The following PPFIA4 variants were observed in gnomAD, a reference collection of about 807,000 sequenced individuals.
PPFIA4 encodes PPFI scaffold protein A4, also known as liprin-alpha-4.
In PPFIA4, 98 loss-of-function variants were observed where a neutral mutation model predicts 145.7. The observed-to-expected ratio is 0.67, with a 90% CI of 0.57 to 0.80. The LOEUF (loss-of-function observed/expected upper bound fraction) is 0.80, where lower values mean the gene tolerates loss of function less well. PPFIA4 is among the 30% of genes least tolerant of loss of function. PPFIA4 has a pLI of 0.00. For missense variants in PPFIA4, 1,457 were observed against 1,632.7 expected, an observed-to-expected ratio of 0.89 and a Z score of 1.85; for synonymous variants, 628 against 649.6, an observed-to-expected ratio of 0.97 and a Z score of 0.51.
At chr1:203,070,576 T>G (rs1276536683) in intron 27 of PPFIA4, among the ~76,000 whole-genome samples, 1 of 134,890 alleles carries the variant, frequency 7.4e-6, no homozygotes, top group African/African-American at 2.8e-5. Flanking sequence ...AATGAGACCC[T>G]GTCTCCCTCA....
At chr1:203,073,966 G>A (rs952644698) in intron 28 of PPFIA4, among the ~76,000 whole-genome samples, 6 of 152,144 alleles carry the variant, frequency 3.9e-5, no homozygotes, top group African/African-American at 1.4e-4. Context: ...TTTATTGAGT[G>A]CCTAATGTGA....
chr1:203,044,065 G>A lies in PPFIA4; in HGVS notation c.471G>A (p.Leu157=). Residue 157 remains leucine, a synonymous_variant, in exon 4 of 30, where the codon CTG becomes CTA. Coordinates refer to ENST00000295706, the MANE Select transcript of PPFIA4 (RefSeq NM_001304331.2). ...EVEVLKALKS[L]FEHHKALDEK... ...AGGTGCTGAAGGCCCTCAAGTCACT[G>A]TTTGAGCACCACAAGGCCCTGGATG... 1 of 1,608,232 alleles carries A rather than the reference G, an allele frequency of 6.2e-7. No homozygotes were observed. Among genetic ancestry groups the A allele is most frequent in the Non-Finnish European group, 8.5e-7 (1 of 1,177,788 alleles).
At chr1:203,054,251 A>G in intron 15 of PPFIA4, 1 of 621,046 alleles carries the variant, frequency 1.6e-6, no homozygotes, top group Admixed American at 2.6e-5. Flanking sequence ...AACCACTAAG[A>G]GTGTAGCTCC....
intron 2 of PPFIA4, among the ~76,000 whole-genome samples, chr1:203,039,763 C>A (rs1441246122): frequency 6.6e-6 from 1 of 152,248 alleles, no homozygotes; most frequent in Non-Finnish European, 1.5e-5. Context: ...GTCCTGTAGT[C>A]CCGTGTACTG....
intron 28 of PPFIA4, among the ~76,000 whole-genome samples, chr1:203,074,718 G>A (rs1041717804): frequency 2.6e-5 from 4 of 152,068 alleles, no homozygotes; most frequent in Non-Finnish European, 5.9e-5. Flanking sequence ...ATTGGGCATG[G>A]CTTCCAAGCA....
rs577702584 is a variant in PPFIA4 at position 203,039,251 on chromosome 1, C to G, written c.234+9C>G. 67 of 1,554,042 alleles carry G rather than the reference C, an allele frequency of 4.3e-5. No individual in the cohort carries two copies. Among genetic ancestry groups the G allele is most frequent in the Non-Finnish European group, 4.5e-5 (52 of 1,151,148 alleles). On this transcript the variant is annotated intron_variant, in intron 2 of 29. Transcript: ENST00000295706. Reference sequence around the variant, plus strand: ...ACTCCGCCCTCCCCCAGGTAAGGCCCGAAGGCCTGCGTCTCTCTTAACCCC... The same window carrying G: ...ACTCCGCCCTCCCCCAGGTAAGGCCGGAAGGCCTGCGTCTCTCTTAACCCC...
At position 203,075,542 on chromosome 1, in the gene PPFIA4, G is replaced by A. The variant is rs758079623; in HGVS notation, c.3394-35G>A. 4 of 1,364,916 alleles carry A rather than the reference G, an allele frequency of 2.9e-6. No homozygotes were observed. The highest frequency in any genetic ancestry group is 3.8e-6 in the Non-Finnish European group (4 of 1,052,440). The allele number at this position is 1,364,916 out of a possible 1,614,324, so 84.6% of individuals were successfully genotyped here. A position where few individuals can be genotyped will look rare whatever the true frequency, so the allele number is the denominator to read the frequency against. ...GGGCGTGAGGATGGCAATTCCAACA[G>A]GGCCCTCGGGCCTCTGGTGTCCCCC... On this transcript the variant is annotated intron_variant, in intron 28 of 29. Transcript: ENST00000295706. The surrounding 1 kb of genome is among the most constrained non-coding windows in gnomAD (Gnocchi z 4.1).
At position 203,027,544 on chromosome 1, in the gene PPFIA4, G is replaced by A. The variant is rs539443102; in HGVS notation, c.-400+915G>A. Among the ~76,000 whole-genome samples the A allele has an allele frequency of 2.0e-3, 301 of 152,278 alleles. 2 individuals are homozygous for A. The highest frequency in any genetic ancestry group is 6.8e-3 in the African/African-American group (283 of 41,544). Reference sequence around the variant, plus strand: ...TTCTGTGTGGAGAGCAAGTGGTTAAGGAGGCGCTGCTTCGCAGGGAGATCC... The same window carrying A: ...TTCTGTGTGGAGAGCAAGTGGTTAAAGAGGCGCTGCTTCGCAGGGAGATCC... On this transcript the variant is annotated intron_variant, in intron 1 of 29. Transcript: ENST00000295706.
At chr1:203,052,022 C>A in intron 14 of PPFIA4, 145 bp downstream of exon 14, 1 of 862,820 alleles carries the variant, frequency 1.2e-6, no homozygotes, top group Non-Finnish European at 1.7e-6. Context: ...GGGGTTGAGG[C>A]CATCGTCAGC....
In PPFIA4 at chr1:203,045,992, C is replaced by G; in HGVS notation, c.1005+5C>G. On this transcript the variant is annotated splice_donor_5th_base_variant and intron_variant, in intron 8 of 29. Coordinates refer to ENST00000295706, the MANE Select transcript of PPFIA4 (RefSeq NM_001304331.2). ...AAGGAGTCCCTGCACCGCCAGGTACCTCCTCAGGGTGGGGTGGGGATGGGC... is the reference window on the plus strand; with the variant it reads ...AAGGAGTCCCTGCACCGCCAGGTACGTCCTCAGGGTGGGGTGGGGATGGGC... 1 of 1,612,478 alleles carries G rather than the reference C, an allele frequency of 6.2e-7. No individual in the cohort carries two copies. Among genetic ancestry groups the G allele is most frequent in the Non-Finnish European group, 8.5e-7 (1 of 1,179,824 alleles).
In PPFIA4 at chr1:203,075,632, G is replaced by A. The variant is rs200628828; in HGVS notation, c.3449G>A (p.Arg1150Gln). The change falls in exon 29 of 30, where the codon CGG becomes CAG. Residue 1150 changes from arginine (R) to glutamine (Q), a missense_variant. Arg to Gln is a conservative substitution (Grantham distance 43). Coordinates refer to ENST00000295706, the MANE Select transcript of PPFIA4 (RefSeq NM_001304331.2). The surrounding 1 kb of genome is among the most constrained non-coding windows in gnomAD (Gnocchi z 4.1). ...APSWRKRFRP[R>Q]EHHGRGGMLS... ...TCCTGGAGGAAGCGCTTCCGGCCGCGGGAGCACCACGGTCGCGGCGGCATG... is the reference window on the plus strand; with the variant it reads ...TCCTGGAGGAAGCGCTTCCGGCCGCAGGAGCACCACGGTCGCGGCGGCATG... The A allele has an allele frequency of 5.2e-5, 77 of 1,488,736 alleles. No individual in the cohort carries two copies. The African/African-American group carries it at 9.6e-4, about 19-fold the overall frequency. The allele number at this position is 1,488,736 out of a possible 1,614,324, so 92.2% of individuals were successfully genotyped here. A position where few individuals can be genotyped will look rare whatever the true frequency, so the allele number is the denominator to read the frequency against.
intron 15 of PPFIA4, among the ~76,000 whole-genome samples, chr1:203,054,570 C>T (rs1660770235): frequency 6.6e-6 from 1 of 152,054 alleles, no homozygotes. Flanking sequence ...TAATGACAAA[C>T]AGCAGGGCAA....
chr1:203,052,619 C>A (rs1463736262), intron 14 of PPFIA4, among the ~76,000 whole-genome samples: 2 of 152,092 alleles, frequency 1.3e-5, no homozygotes, highest in East Asian at 3.9e-4. Context: ...GACTTCTTTG[C>A]TCTTTCTGTT....
chr1:203,075,547 C>T lies in PPFIA4; in HGVS notation c.3394-30C>T, dbSNP rs980873892. 1 of 1,370,762 alleles carries T rather than the reference C, an allele frequency of 7.3e-7. No individual in the cohort carries two copies. 84.9% of individuals were successfully genotyped at this position (1,370,762 alleles called of 1,614,324 possible). On this transcript the variant is annotated intron_variant, in intron 28 of 29. Coordinates refer to ENST00000295706, the MANE Select transcript of PPFIA4 (RefSeq NM_001304331.2). The surrounding 1 kb of genome is among the most constrained non-coding windows in gnomAD (Gnocchi z 4.1). ...TGAGGATGGCAATTCCAACAGGGCC[C>T]TCGGGCCTCTGGTGTCCCCCATGGT...
chr1:203,069,755 A>C (rs1057421509), intron 27 of PPFIA4, among the ~76,000 whole-genome samples: 1,085 of 104,394 alleles, frequency 0.01, no homozygotes, highest in Middle Eastern at 0.019. Context: ...TTCTGCAGTG[A>C]CCCCCCCGCC....
intron 12 of PPFIA4, 97 bp from the exon 13 acceptor site, chr1:203,049,579 A>T: frequency 3.7e-6 from 4 of 1,088,014 alleles, no homozygotes; most frequent in Non-Finnish European, 5.0e-6. Flanking sequence ...CTTCTCCCCA[A>T]CTCTGCTGTC....
At chr1:203,034,846 C>T (rs1659111858) in intron 1 of PPFIA4, 1 of 365,104 alleles carries the variant, frequency 2.7e-6, no homozygotes, top group Non-Finnish European at 5.5e-6. Context: ...TCTCTTCTTC[C>T]TCCTTCTACC....
At chr1:203,070,468 A>G (rs147005614) in intron 27 of PPFIA4, among the ~76,000 whole-genome samples, 35 of 151,130 alleles carry the variant, frequency 2.3e-4, no homozygotes, top group Admixed American at 2.1e-3. Context: ...TGTAGTCCCA[A>G]TTACTCGGGA....
At chr1:203,032,331 T>C (rs1658897146) in intron 1 of PPFIA4, among the ~76,000 whole-genome samples, 1 of 152,114 alleles carries the variant, frequency 6.6e-6, no homozygotes. Flanking sequence ...AGTCTTAAGT[T>C]AAAAAGGTAG....
Sources: allele counts gnomAD v4.1 joint callset (sites outside exome capture counted in the v4.1 genomes callset), GRCh38; gene constraint gnomAD v4.1.1; non-coding constraint Gnocchi (gnomAD v3.1); transcripts MANE v1.5; gene names NCBI Gene and HGNC (gene_info 2026-07-23, HGNC 2026-07-21).